Variants in ZNF91 observed in about 807,000 individuals in gnomAD.
ZNF91 encodes zinc finger protein 91.
ZNF91 carries 7 observed loss-of-function variants against 12.6 expected under a neutral mutation model. The ratio of observed to expected loss-of-function variants is 0.55; its 90% confidence interval spans 0.31 to 1.04. The LOEUF (loss-of-function observed/expected upper bound fraction) is 1.04. Among genes scored for constraint, ZNF91 ranks in the 50% least tolerant of loss-of-function variants. The pLI, the probability that ZNF91 is intolerant of heterozygous loss-of-function variation, is 0.05. For missense variants in ZNF91, 1,217 were observed against 1,385.4 expected, an observed-to-expected ratio of 0.88 and a Z score of 1.93; for synonymous variants, 453 against 462.6, an observed-to-expected ratio of 0.98 and a Z score of 0.27.
In ZNF91 at chr19:23,359,468, C is replaced by T; in HGVS notation, c.3511G>A (p.Gly1171Ser). 1.3e-6 allele frequency: 2 copies of T among 1,588,814 alleles called. No individual in the cohort carries two copies. The highest frequency in any genetic ancestry group is 1.7e-6 in the Non-Finnish European group (2 of 1,158,078). ...TCCATCTCCTGACCTCGTGATCCGC[C>T]CGCCTCGGCCTCCCAAAGTAGTGGG... The part of the protein sequence containing the change: ...VIPLLWEAEA[G>S]GSRGQEMETI... Residue 1171 changes from glycine to serine, a missense_variant, in exon 4 of 4, where the codon GGC becomes AGC. Gly to Ser is a moderately conservative substitution (Grantham distance 56, BLOSUM62 0). Around this residue, in one of 2 missense-constraint regions of ZNF91, gnomAD observed 491 missense variants for 489.8 expected, o/e 1.00. Coordinates refer to ENST00000300619, the MANE Select transcript of ZNF91 (RefSeq NM_003430.4).
At chr19:23,310,276 A>G (rs1372819613) in intron 1 of ZNF91, among the ~76,000 whole-genome samples, 1 of 152,212 alleles carries the variant, frequency 6.6e-6, no homozygotes, top group Admixed American at 6.5e-5. Context: ...AAGAGTAAAG[A>G]TGATCATCCT....
At chr19:23,318,134 G>A (rs1047739688) in intron 1 of ZNF91, among the ~76,000 whole-genome samples, 2 of 152,172 alleles carry the variant, frequency 1.3e-5, no homozygotes, top group African/African-American at 4.8e-5. Flanking sequence ...CAGTTAATAT[G>A]AGTCTACCCT....
rs1284918208 is a variant in ZNF91, at chr19:23,359,525, G to A, written c.3454C>T (p.His1152Tyr). 2.5e-6 allele frequency: 4 copies of A among 1,613,622 alleles called. No homozygotes were observed. The East Asian group carries it at 6.7e-5, about 27-fold the overall frequency. ...GGTGTGATAGTATGAATTTTCTTATGGTTAGTAAGGATTGAAGACTGGTTA... is the reference window on the plus strand; with the variant it reads ...GGTGTGATAGTATGAATTTTCTTATAGTTAGTAAGGATTGAAGACTGGTTA... ...AFNQSSILTNHKKIHTITPVI... is the reference protein window; with the variant it reads ...AFNQSSILTNYKKIHTITPVI... The change falls in exon 4 of 4, where the codon CAT becomes TAT. Residue 1152 changes from histidine (H) to tyrosine (Y), a missense_variant. By Grantham distance (83) the His-to-Tyr change is moderately conservative. Around this residue, in one of 2 missense-constraint regions of ZNF91, gnomAD observed 491 missense variants for 489.8 expected, o/e 1.00. Transcript: ENST00000300619.
At chr19:23,368,546 C>CTATA (rs1242790644) in intron 3 of ZNF91, among the ~76,000 whole-genome samples, 4 of 92,710 alleles carry the variant, frequency 4.3e-5, no homozygotes, top group South Asian at 6.6e-4. Context: ...CTCTCTCTCT[C>CTATA]TCTCTCTCTC....
At chr19:23,337,334 ATATGTGTGTGTG>A (rs139948314), downstream of ZNF91, among the ~76,000 whole-genome samples, 19,338 of 151,778 alleles carry the variant, frequency 0.13, 1,985 homozygotes, top group East Asian at 0.43. Context: ...ACATGTATAT[ATATGTGTGTGTG>A]TATGTGTGTG....
intron 3 of ZNF91, among the ~76,000 whole-genome samples, chr19:23,348,136 CCT>C (rs1968275313): frequency 6.6e-6 from 1 of 152,182 alleles, no homozygotes; most frequent in Non-Finnish European, 1.5e-5. Flanking sequence ...AAAAAAATTA[CCT>C]CTCTTGTTAA....
intron 1 of ZNF91, among the ~76,000 whole-genome samples, chr19:23,331,025 T>C (rs1315261507): frequency 6.6e-6 from 1 of 152,256 alleles, no homozygotes; most frequent in East Asian, 1.9e-4. Context: ...AAGCCACTCA[T>C]AGCTACTTAT....
intron 3 of ZNF91, chr19:23,339,264 T>C (rs2145879895): frequency 6.6e-6 from 1 of 151,896 alleles, no homozygotes; most frequent in South Asian, 2.1e-4. Flanking sequence ...TAAAAAGCTG[T>C]AACAAAAAAG....
downstream of ZNF91, among the ~76,000 whole-genome samples, chr19:23,336,856 G>GC (rs1240534028): frequency 4.6e-5 from 7 of 152,118 alleles, no homozygotes; most frequent in South Asian, 6.2e-4. Flanking sequence ...TGCAGGCTCC[G>GC]CCCCCCAGGT....
chr19:23,337,146 C>G (rs911803903), downstream of ZNF91, among the ~76,000 whole-genome samples: 18 of 152,150 alleles, frequency 1.2e-4, no homozygotes, highest in Admixed American at 3.3e-4. Flanking sequence ...TACCTTCTTA[C>G]TCTTTCATGT....
rs563779584 is a variant in ZNF91, at chr19:23,369,265, G to A, written c.253+4477C>T. On this transcript the variant is annotated intron_variant, in intron 3 of 3. Transcript: ENST00000300619. ...GCAGAGGTTGGAGTGTGATAGGATCGTGCCATTGCACTCCACCCTGGGCGA... is the reference window on the plus strand; with the variant it reads ...GCAGAGGTTGGAGTGTGATAGGATCATGCCATTGCACTCCACCCTGGGCGA... Among the ~76,000 whole-genome samples, 7 of 151,962 alleles carry A rather than the reference G, an allele frequency of 4.6e-5. No individual in the cohort carries two copies. The East Asian group carries it at 7.8e-4, about 17-fold the overall frequency.
intron 3 of ZNF91, among the ~76,000 whole-genome samples, chr19:23,368,773 T>A (rs1050437503): frequency 6.6e-6 from 1 of 151,648 alleles, no homozygotes; most frequent in Admixed American, 6.6e-5. Flanking sequence ...AGTGTGAATA[T>A]CCAAAAAATA....
intron 1 of ZNF91, among the ~76,000 whole-genome samples, chr19:23,394,832 A>G (rs796694095): frequency 3.9e-5 from 6 of 152,340 alleles, no homozygotes; most frequent in African/African-American, 1.4e-4. Flanking sequence ...AAGGCCTTTC[A>G]TAGACCACAA....
At chr19:23,343,243 G>A (rs375885460) in intron 3 of ZNF91, among the ~76,000 whole-genome samples, 73 of 152,286 alleles carry the variant, frequency 4.8e-4, no homozygotes, top group South Asian at 1.0e-3. Context: ...CAATTTTAAC[G>A]TATATATCAA....
Position 23,362,418 on chromosome 19 carries a change from A to C in ZNF91, c.561T>G (p.Cys187Trp), listed in dbSNP as rs370172224. The change falls in exon 4 of 4, where the codon TGT becomes TGG. Residue 187 changes from cysteine to tryptophan, a missense_variant. Coordinates refer to ENST00000300619, the MANE Select transcript of ZNF91 (RefSeq NM_003430.4). The stretch of plus-strand genomic sequence containing the variant: ...GTAAACGGATGCAAAATGACTTGAC[A>C]CATTTTTTACATTTGAAGCATTTCT... ...TGKKCFKCKK[C>W]VKSFCIRLHK... The C allele has an allele frequency of 2.5e-6, 4 of 1,614,010 alleles. No individual in the cohort carries two copies. In the Admixed American group the frequency reaches 5.0e-5, roughly 20 times the overall value.
chr19:23,342,997 T>C (rs991153171), intron 3 of ZNF91, among the ~76,000 whole-genome samples: 2 of 152,184 alleles, frequency 1.3e-5, no homozygotes, highest in Non-Finnish European at 2.9e-5. Flanking sequence ...AATTATCCAA[T>C]AAAATATTGT....
At chr19:23,341,055 ATT>A (rs199646954) in intron 3 of ZNF91, among the ~76,000 whole-genome samples, 20 of 138,590 alleles carry the variant, frequency 1.4e-4, no homozygotes, top group African/African-American at 2.6e-4. Context: ...TAAAACTGCC[ATT>A]TTTTTTTTTT....
At chr19:23,317,835 G>C (rs1420722657) in intron 1 of ZNF91, among the ~76,000 whole-genome samples, 1 of 152,174 alleles carries the variant, frequency 6.6e-6, no homozygotes, top group Admixed American at 6.5e-5. Flanking sequence ...TTAAGATTGT[G>C]ACTCATGTAT....
upstream of ZNF91, among the ~76,000 whole-genome samples, chr19:23,311,600 C>T (rs1029955226): frequency 3.2e-4 from 48 of 152,326 alleles, no homozygotes; most frequent in African/African-American, 1.2e-3. Context: ...CCTGCCTGGG[C>T]CTTGCCCACA....
Sources: gnomAD v4.1 joint callset for allele counts (sites outside exome capture counted in the v4.1 genomes callset) on GRCh38, gnomAD v4.1.1 for gene constraint, gnomAD v4.1.1 regional missense constraint, MANE v1.5 for transcripts, NCBI Gene and HGNC (gene_info 2026-07-23, HGNC 2026-07-21) for gene names.